The following CUL1 variants were observed in gnomAD, a reference collection of about 807,000 sequenced individuals.
CUL1 encodes cullin-1.
A neutral mutation model predicts 118.0 loss-of-function variants in CUL1; 24 were observed. That is an observed-to-expected ratio of 0.20 (90% CI 0.15 to 0.29). CUL1 has a LOEUF of 0.29. Ranked by LOEUF, CUL1 falls within the 10% of genes least tolerant of loss-of-function variation. The pLI, the probability that CUL1 is intolerant of heterozygous loss-of-function variation, is 1.00. For synonymous variants in CUL1, 332 were observed against 340.4 expected, an observed-to-expected ratio of 0.98 and a Z score of 0.27; for missense variants, 361 against 933.8, an observed-to-expected ratio of 0.39 and a Z score of 7.99.
chr7:148,797,168 A>G (rs1801229197), intron 17 of CUL1, among the ~76,000 whole-genome samples: 1 of 152,106 alleles, frequency 6.6e-6, no homozygotes, highest in Non-Finnish European at 1.5e-5. Context: ...GCTGAGCCCC[A>G]CTGTTCTCAT....
chr7:148,750,920 A>G (rs1347569378), intron 2 of CUL1, among the ~76,000 whole-genome samples: 1 of 151,560 alleles, frequency 6.6e-6, no homozygotes, highest in East Asian at 2.0e-4. Context: ...GTAGCCTGCT[A>G]TGATCATGTC....
intron 7 of CUL1, among the ~76,000 whole-genome samples, chr7:148,763,492 A>T (rs1372444952): frequency 6.6e-6 from 1 of 152,032 alleles, no homozygotes; most frequent in Non-Finnish European, 1.5e-5. Context: ...TTAAATCCCC[A>T]CCCCACCATT....
At chr7:148,760,612 T>A in intron 7 of CUL1, 116 bp downstream of exon 7, 1 of 749,370 alleles carries the variant, frequency 1.3e-6, no homozygotes, top group Non-Finnish European at 2.1e-6. Flanking sequence ...ATTGTTTTTC[T>A]AGAGTGTTTT....
intron 2 of CUL1, among the ~76,000 whole-genome samples, chr7:148,748,539 T>C (rs978496193): frequency 6.6e-6 from 1 of 152,214 alleles, no homozygotes; most frequent in Non-Finnish European, 1.5e-5. Flanking sequence ...TTTTAGAGAA[T>C]TATAAGATAA....
chr7:148,763,246 G>A (rs1002598468), intron 7 of CUL1, among the ~76,000 whole-genome samples: 1 of 152,206 alleles, frequency 6.6e-6, no homozygotes, highest in African/African-American at 2.4e-5. Context: ...TCCAGCATGA[G>A]GCCCGCCTTC....
At chr7:148,782,042 A>G (rs1800657514) in intron 9 of CUL1, among the ~76,000 whole-genome samples, 1 of 152,310 alleles carries the variant, frequency 6.6e-6, no homozygotes, top group Non-Finnish European at 1.5e-5. Context: ...AAACTACCCA[A>G]TAGCGTTTCT....
intron 1 of CUL1, among the ~76,000 whole-genome samples, chr7:148,725,219 G>GCGCGCGCGCGCGCGCACACACACA: frequency 3.6e-5 from 5 of 140,150 alleles, no homozygotes; most frequent in African/African-American, 5.6e-5. Flanking sequence ...ACACGCGCGC[G>GCGCGCGCGCGCGCGCACACACACA]CTCACACACA....
At chr7:148,779,708 AAAGG>A (rs1321074600) in intron 9 of CUL1, among the ~76,000 whole-genome samples, 1 of 152,196 alleles carries the variant, frequency 6.6e-6, no homozygotes, top group African/African-American at 2.4e-5. Context: ...AAGTGGGTGA[AAAGG>A]AAGAAGAGTT....
intron 2 of CUL1, among the ~76,000 whole-genome samples, chr7:148,750,997 A>T (rs1480320195): frequency 6.6e-6 from 1 of 151,878 alleles, no homozygotes; most frequent in Non-Finnish European, 1.5e-5. Context: ...AAAAAAAAAA[A>T]AACAAAACAA....
chr7:148,790,173 C>CCCT (rs1800957062), intron 15 of CUL1, 137 bp from the exon 16 acceptor site: 1 of 916,880 alleles, frequency 1.1e-6, no homozygotes, highest in Admixed American at 2.2e-5. Context: ...GAGAGGCAGA[C>CCCT]ACCTGGCGTT....
At chr7:148,717,863 G>A (rs10263976) in intron 1 of CUL1, among the ~76,000 whole-genome samples, 9,257 of 152,090 alleles carry the variant, frequency 0.061, 842 homozygotes, top group African/African-American at 0.2. Context: ...CTATTAACTT[G>A]TATTGCCATT....
At chr7:148,737,395 T>C (rs1209413167) in intron 2 of CUL1, among the ~76,000 whole-genome samples, 2 of 151,958 alleles carry the variant, frequency 1.3e-5, no homozygotes, top group African/African-American at 2.4e-5. Context: ...GTATGGGATA[T>C]TTCTTTTCAG....
intron 1 of CUL1, among the ~76,000 whole-genome samples, chr7:148,700,429 AGT>A (rs1480421862): frequency 1.3e-5 from 2 of 152,180 alleles, no homozygotes; most frequent in African/African-American, 4.8e-5. Context: ...AATCCTGGAG[AGT>A]GTATTACGTA....
chr7:148,787,724 C>G lies in CUL1; in HGVS notation c.1479+604C>G, dbSNP rs1800864962. 6.6e-6 allele frequency among the ~76,000 whole-genome samples: 1 copy of G among 152,120 alleles called. No homozygotes were observed. The highest frequency in any genetic ancestry group is 6.5e-5 in the Admixed American group (1 of 15,284). On this transcript the variant is annotated intron_variant, in intron 13 of 21. Coordinates refer to ENST00000325222, the MANE Select transcript of CUL1 (RefSeq NM_003592.3). The surrounding 1 kb of genome is among the most constrained non-coding windows in gnomAD (Gnocchi z 5.5). ...CACACCTTTAGCCTTGCAGCACATT[C>G]ACACTTCCACACTGTGCTGGCCTGG... is the stretch of plus-strand genomic sequence containing the variant.
At chr7:148,728,123 T>C (rs1798645278) in intron 1 of CUL1, among the ~76,000 whole-genome samples, 1 of 152,044 alleles carries the variant, frequency 6.6e-6, no homozygotes, top group Non-Finnish European at 1.5e-5. Context: ...TGAAATGAAG[T>C]CCGTAGCAGT....
intron 17 of CUL1, among the ~76,000 whole-genome samples, 159 bp downstream of exon 17, chr7:148,792,977 G>A (rs189256783): frequency 1.0e-3 from 156 of 152,218 alleles, no homozygotes; most frequent in Non-Finnish European, 1.5e-3. Context: ...ATTTTAATAC[G>A]CACTACAAAA....
chr7:148,750,182 GA>G (rs1367490486), intron 2 of CUL1, among the ~76,000 whole-genome samples: 12 of 152,296 alleles, frequency 7.9e-5, no homozygotes, highest in African/African-American at 2.9e-4. Flanking sequence ...TGCTGATGGA[GA>G]ATAGCAAGTT....
intron 1 of CUL1, among the ~76,000 whole-genome samples, chr7:148,711,344 A>C (rs1798043682): frequency 6.6e-6 from 1 of 152,144 alleles, no homozygotes; most frequent in Non-Finnish European, 1.5e-5. Flanking sequence ...TGGGGGTGCA[A>C]ATCTGACAGG....
intron 9 of CUL1, chr7:148,783,539 C>A: frequency 7.2e-7 from 1 of 1,385,790 alleles, no homozygotes; most frequent in Admixed American, 2.8e-5. Context: ...TTAATGCAAG[C>A]TCGGAATCAA....
Sources: allele counts gnomAD v4.1 joint callset (sites outside exome capture counted in the v4.1 genomes callset), GRCh38; gene constraint gnomAD v4.1.1; non-coding constraint Gnocchi (gnomAD v3.1); transcripts MANE v1.5; gene names NCBI Gene and HGNC (gene_info 2026-07-23, HGNC 2026-07-21).